Variants in DAB2IP observed in about 807,000 individuals in gnomAD.
DAB2IP encodes DAB2 interacting protein, also known as disabled homolog 2-interacting protein.
A neutral mutation model predicts 107.2 loss-of-function variants in DAB2IP; 28 were observed. That is an observed-to-expected ratio of 0.26 (90% CI 0.19 to 0.36). The LOEUF (loss-of-function observed/expected upper bound fraction) is 0.36. Ranked by LOEUF, DAB2IP falls within the 10% of genes least tolerant of loss-of-function variation. The pLI is 1.00. For synonymous variants in DAB2IP, 755 were observed against 706.4 expected (o/e 1.07, Z -1.09); for missense variants, 1,400 against 1,644.7 (o/e 0.85, Z 2.57).
chr9:121,708,248 C>G (rs1300515316), intron 3 of DAB2IP, among the ~76,000 whole-genome samples: 1 of 152,104 alleles, frequency 6.6e-6, no homozygotes. Context: ...AAACTGAAAC[C>G]CGATGTGTGA....
intron 3 of DAB2IP, among the ~76,000 whole-genome samples, chr9:121,756,184 T>G (rs928845460): frequency 6.6e-6 from 1 of 152,170 alleles, no homozygotes; most frequent in Non-Finnish European, 1.5e-5. Flanking sequence ...TACCTAACCC[T>G]AGAGCAGGTG....
Position 121,701,439 on chromosome 9 carries a change from C to T in DAB2IP, c.362+1981C>T, listed in dbSNP as rs1016362232. Among the ~76,000 whole-genome samples the T allele has an allele frequency of 6.6e-6, 1 of 152,126 alleles. No individual in the cohort carries two copies. Among genetic ancestry groups the T allele is most frequent in the African/African-American group, 2.4e-5 (1 of 41,408 alleles). Reference sequence around the variant, plus strand: ...TTCTGGAAACAGTAGGAAACGGTAGCGGTTGGAGCAGAATGTCACTGGCAG... The same window carrying T: ...TTCTGGAAACAGTAGGAAACGGTAGTGGTTGGAGCAGAATGTCACTGGCAG... On this transcript the variant is annotated intron_variant, in intron 3 of 15. Coordinates refer to ENST00000408936, the Ensembl canonical transcript of DAB2IP. The surrounding 1 kb of genome is among the most constrained non-coding windows in gnomAD (Gnocchi z 4.7).
chr9:121,603,944 C>G (rs895691377), intron 1 of DAB2IP, among the ~76,000 whole-genome samples: 2 of 151,954 alleles, frequency 1.3e-5, no homozygotes, highest in African/African-American at 4.8e-5. Context: ...CAGAAAGGCT[C>G]TTATGGGAAT....
chr9:121,612,824 A>G (rs760906959), intron 1 of DAB2IP, among the ~76,000 whole-genome samples: 5 of 152,264 alleles, frequency 3.3e-5, no homozygotes, highest in Non-Finnish European at 5.9e-5. Flanking sequence ...AGCCAGGCCC[A>G]GGAGGACAAC....
At chr9:121,773,093 C>T in exon 12 of DAB2IP, 1 of 1,612,516 alleles carries the variant, frequency 6.2e-7, no homozygotes, top group Non-Finnish European at 8.5e-7. Flanking sequence ...AGGGCCACAG[C>T]TCCCTGAGCT....
chr9:121,646,475 A>AC (rs1832540196), intron 1 of DAB2IP, among the ~76,000 whole-genome samples: 1 of 150,874 alleles, frequency 6.6e-6, no homozygotes, highest in Non-Finnish European at 1.5e-5. Flanking sequence ...GACCTTAACC[A>AC]CAAGTGTCCC....
intron 1 of DAB2IP, among the ~76,000 whole-genome samples, chr9:121,670,574 T>C (rs7031882): frequency 1 from 152,168 of 152,372 alleles, 75,984 homozygotes; most frequent in Middle Eastern, 1. Flanking sequence ...ATCAAGGCCA[T>C]CCACATTCCT....
intron 3 of DAB2IP, among the ~76,000 whole-genome samples, chr9:121,720,811 A>C (rs996584405): frequency 6.6e-6 from 1 of 152,194 alleles, no homozygotes; most frequent in African/African-American, 2.4e-5. Flanking sequence ...CTCCTCTTCC[A>C]CTACCAAGGA....
chr9:121,652,002 C>A, intron 1 of DAB2IP, 103 bp downstream of exon 1: 2 of 1,055,044 alleles, frequency 1.9e-6, no homozygotes, highest in Non-Finnish European at 2.4e-6. Context: ...CAGCCATTTG[C>A]CGGGGGTTTC....
At chr9:121,773,294 C>G in exon 12 of DAB2IP, 1 of 1,520,698 alleles carries the variant, frequency 6.6e-7, no homozygotes, top group East Asian at 2.5e-5. Context: ...AGCCTCCGCC[C>G]CCACCCCCGC....
At chr9:121,693,192 G>T (rs1359349893) in intron 2 of DAB2IP, among the ~76,000 whole-genome samples, 2 of 152,180 alleles carry the variant, frequency 1.3e-5, no homozygotes, top group Non-Finnish European at 2.9e-5. Context: ...GGCTCCGCCT[G>T]GTGACGCTGG....
chr9:121,783,385 A>G (rs1473138314), exon 16 of DAB2IP: 6 of 1,550,288 alleles, frequency 3.9e-6, no homozygotes, highest in Non-Finnish European at 5.2e-6. Flanking sequence ...GGCCCAGCAC[A>G]CCCAGGGCAC....
At chr9:121,738,065 C>G (rs1052981497) in intron 3 of DAB2IP, among the ~76,000 whole-genome samples, 3 of 152,140 alleles carry the variant, frequency 2.0e-5, no homozygotes, top group Admixed American at 6.5e-5. Flanking sequence ...TGGGGGGAAG[C>G]TTTAGGGCAC....
intron 3 of DAB2IP, among the ~76,000 whole-genome samples, chr9:121,719,750 C>A (rs1830820109): frequency 2.0e-5 from 3 of 152,162 alleles, no homozygotes; most frequent in East Asian, 1.9e-4. Flanking sequence ...GATGGGGAAA[C>A]CAGATGCAGA....
At chr9:121,603,708 C>T (rs1830770011) in intron 1 of DAB2IP, among the ~76,000 whole-genome samples, 1 of 152,148 alleles carries the variant, frequency 6.6e-6, no homozygotes, top group Non-Finnish European at 1.5e-5. Flanking sequence ...CAGGGCTGGT[C>T]ATCTCTTAAA....
At chr9:121,762,826 T>C (rs1361239416) in intron 6 of DAB2IP, among the ~76,000 whole-genome samples, 1 of 152,078 alleles carries the variant, frequency 6.6e-6, no homozygotes, top group Non-Finnish European at 1.5e-5. Context: ...GGGGAAGGTG[T>C]GGGTTCGGGC....
At chr9:121,718,242 C>T (rs1438650267) in intron 3 of DAB2IP, among the ~76,000 whole-genome samples, 3 of 152,214 alleles carry the variant, frequency 2.0e-5, no homozygotes, top group Admixed American at 2.0e-4. Flanking sequence ...CCCTCACGCC[C>T]TCCAAGGCTC....
intron 1 of DAB2IP, among the ~76,000 whole-genome samples, chr9:121,571,944 G>T (rs867369721): frequency 6.6e-6 from 1 of 151,832 alleles, no homozygotes; most frequent in African/African-American, 2.4e-5. Context: ...CAGAGCCCTT[G>T]TGATTGGCCT....
At chr9:121,694,190 A>C (rs1829302511) in intron 2 of DAB2IP, among the ~76,000 whole-genome samples, 1 of 152,100 alleles carries the variant, frequency 6.6e-6, no homozygotes, top group Admixed American at 6.5e-5. Flanking sequence ...AGAGCTGTCC[A>C]TCTGTTTCCC....
Sources: allele counts gnomAD v4.1 joint callset (sites outside exome capture counted in the v4.1 genomes callset), GRCh38; gene constraint gnomAD v4.1.1; non-coding constraint Gnocchi (gnomAD v3.1); transcripts MANE v1.5; gene names NCBI Gene and HGNC (gene_info 2026-07-23, HGNC 2026-07-21).